ARHGEF7: variants seen among roughly 807,000 people sequenced by gnomAD.
The protein encoded by ARHGEF7 is Rho guanine nucleotide exchange factor 7.
In ARHGEF7, 33 loss-of-function variants were observed where a neutral mutation model predicts 109.8. That is an observed-to-expected ratio of 0.30 (90% CI 0.23 to 0.40). The LOEUF (loss-of-function observed/expected upper bound fraction) is 0.40. Among genes scored for constraint, ARHGEF7 ranks in the 10% least tolerant of loss-of-function variants. The probability of loss-of-function intolerance (pLI) is 1.00; values close to 1 mark genes in which losing one functional copy is unlikely to be tolerated. For missense variants in ARHGEF7, 938 were observed against 1,098.5 expected (o/e 0.85, Z 2.07); for synonymous variants, 458 against 424.6 (o/e 1.08, Z -0.97).
In ARHGEF7 at chr13:111,241,086, T is replaced by C. The variant is rs540903001; in HGVS notation, c.760-2786T>C. Reference sequence around the variant, plus strand: ...TGAGGCGGGCAGCATAGGGATTGAGTGGCACCAGTGTTTGACTGCACTTGC... The same window carrying C: ...TGAGGCGGGCAGCATAGGGATTGAGCGGCACCAGTGTTTGACTGCACTTGC... On this transcript the variant is annotated intron_variant, in intron 6 of 21. Transcript: ENST00000646102. The C allele has an allele frequency of 2.0e-4, 294 of 1,463,100 alleles. 5 individuals are homozygous for C. The South Asian group carries it at 3.9e-3, about 19-fold the overall frequency. 90.6% of individuals were successfully genotyped at this position (1,463,100 alleles called of 1,614,324 possible).
chr13:111,193,161 G>T (rs1296567047), intron 2 of ARHGEF7, among the ~76,000 whole-genome samples: 1 of 152,166 alleles, frequency 6.6e-6, no homozygotes, highest in African/African-American at 2.4e-5. Context: ...CCACTGGATG[G>T]CTTTGGGTAT....
rs150644239 is a variant in ARHGEF7, at chr13:111,228,348, T to G, written c.671-4857T>G. 2.0e-4 allele frequency among the ~76,000 whole-genome samples: 30 copies of G among 152,328 alleles called. No individual in the cohort carries two copies. Among genetic ancestry groups the G allele is most frequent in the African/African-American group, 7.0e-4 (29 of 41,582 alleles). The stretch of plus-strand genomic sequence containing the variant: ...AATATCGTCAGGTGTGATAATGGTC[T>G]GAGGTTAGGGTTTTGAGTTTAAAGA... On this transcript the variant is annotated intron_variant, in intron 5 of 21. Transcript: ENST00000646102. The surrounding 1 kb of genome is among the most constrained non-coding windows in gnomAD (Gnocchi z 4.6).
rs1050791650 is a variant in ARHGEF7 at position 111,145,288 on chromosome 13, AG to A, written c.166-8614del. Reference sequence around the variant, plus strand: ...ATGCCGCCAGGAAGCTCTCCAGGTTAGGGCCAGGCAGAAAACAGATAGATGG... The same window carrying A: ...ATGCCGCCAGGAAGCTCTCCAGGTTAGGCCAGGCAGAAAACAGATAGATGG... On this transcript the variant is annotated intron_variant, in intron 1 of 21. Transcript: ENST00000646102. This position sits in a 1 kb window ranked among gnomAD's most constrained non-coding sequence, Gnocchi z 4.3. 5.3e-5 allele frequency among the ~76,000 whole-genome samples: 8 copies of A among 152,198 alleles called. No individual in the cohort carries two copies. The highest frequency in any genetic ancestry group is 1.0e-4 in the Non-Finnish European group (7 of 68,036).
intron 1 of ARHGEF7, among the ~76,000 whole-genome samples, chr13:111,138,248 G>A (rs1447537578): frequency 6.6e-6 from 1 of 152,156 alleles, no homozygotes; most frequent in Non-Finnish European, 1.5e-5. Context: ...GGGAGGCAGA[G>A]GTTGCAGTAA....
chr13:111,153,610 C>G lies in ARHGEF7; in HGVS notation c.166-295C>G, dbSNP rs952838491. ...AACACCCGACGCTATCCGAAGACGT[C>G]CCGCGCGGGCCGGCGGGGGCGCGGT... On this transcript the variant is annotated intron_variant, in intron 1 of 21. Coordinates refer to ENST00000646102, the MANE Select transcript of ARHGEF7 (RefSeq NM_001354046.2). 3.5e-5 allele frequency: 41 copies of G among 1,163,926 alleles called. No individual in the cohort carries two copies. In the African/African-American group the frequency reaches 6.1e-4, roughly 17 times the overall value. The allele number at this position is 1,163,926 out of a possible 1,614,324, so 72.1% of individuals were successfully genotyped here.
intron 5 of ARHGEF7, among the ~76,000 whole-genome samples, chr13:111,221,533 CTATATATAGATACATATCTATATATCTA>C (rs1325867549): frequency 6.5e-4 from 22 of 33,812 alleles, no homozygotes; most frequent in African/African-American, 2.1e-3. Context: ...CTATATATAT[CTATATATAGATACATATCTATATATCTA>C]TATATATAGA....
rs537597720 is a variant in ARHGEF7, at chr13:111,187,379, C to A, written c.253-17910C>A. On this transcript the variant is annotated intron_variant, in intron 2 of 21. Transcript: ENST00000646102. Reference sequence around the variant, plus strand: ...TGGTCCTGTTGCCTGATGAGGGAGACCGTTCCTGAAACTGTGGCGCACACT... The same window carrying A: ...TGGTCCTGTTGCCTGATGAGGGAGAACGTTCCTGAAACTGTGGCGCACACT... Among the ~76,000 whole-genome samples, 4 of 152,226 alleles carry A rather than the reference C, an allele frequency of 2.6e-5. No individual in the cohort carries two copies. The East Asian group carries it at 7.7e-4, about 29-fold the overall frequency.
intron 16 of ARHGEF7, among the ~76,000 whole-genome samples, chr13:111,285,259 T>C (rs375459009): frequency 1.3e-5 from 2 of 152,224 alleles, no homozygotes; most frequent in Non-Finnish European, 1.5e-5. Flanking sequence ...GAAAAGACTT[T>C]TAAAGATAAT....
At position 111,239,732 on chromosome 13, in the gene ARHGEF7, T is replaced by G. The variant is rs2087441805; in HGVS notation, c.760-4140T>G. Among the ~76,000 whole-genome samples the G allele has an allele frequency of 6.6e-6, 1 of 152,104 alleles. No homozygotes were observed. The highest frequency in any genetic ancestry group is 2.4e-5 in the African/African-American group (1 of 41,400). On this transcript the variant is annotated intron_variant, in intron 6 of 21. Transcript: ENST00000646102. This position sits in a 1 kb window ranked among gnomAD's most constrained non-coding sequence, Gnocchi z 4.3. ...CCTGGGCGGCGAGGTGCCTGCTGGC[T>G]TCTTTCACACCTGGCTCCCATTGTT...
intron 2 of ARHGEF7, among the ~76,000 whole-genome samples, chr13:111,185,872 G>T (rs2079192616): frequency 6.6e-6 from 1 of 151,876 alleles, no homozygotes; most frequent in African/African-American, 2.4e-5. Flanking sequence ...TTCCTGGCTG[G>T]CAGTGTGGTG....
chr13:111,207,651 C>T (rs2082050657), intron 3 of ARHGEF7, among the ~76,000 whole-genome samples: 1 of 152,156 alleles, frequency 6.6e-6, no homozygotes, highest in Non-Finnish European at 1.5e-5. Context: ...TCTGCTTTTG[C>T]TGTAAGTGGG....
chr13:111,215,349 G>T (rs972346251), intron 4 of ARHGEF7, among the ~76,000 whole-genome samples: 7 of 148,906 alleles, frequency 4.7e-5, no homozygotes, highest in Admixed American at 4.0e-4. Context: ...GTATTTGCCT[G>T]TGTGTCTCTA....
chr13:111,190,860 G>C (rs1320342538), intron 2 of ARHGEF7, among the ~76,000 whole-genome samples: 3 of 152,268 alleles, frequency 2.0e-5, no homozygotes, highest in Non-Finnish European at 4.4e-5. Context: ...AGGTGTGTGA[G>C]TTTGTTGTTT....
intron 3 of ARHGEF7, among the ~76,000 whole-genome samples, chr13:111,205,809 C>T (rs1486385772): frequency 1.3e-5 from 2 of 152,132 alleles, no homozygotes; most frequent in Non-Finnish European, 2.9e-5. Context: ...TCCACACTAC[C>T]TGTCCAGGGC....
At chr13:111,299,665 C>A (rs1438584311) in intron 19 of ARHGEF7, among the ~76,000 whole-genome samples, 2 of 152,140 alleles carry the variant, frequency 1.3e-5, no homozygotes, top group African/African-American at 4.8e-5. Flanking sequence ...AAAATCCCGT[C>A]TTCATAAAAC....
intron 8 of ARHGEF7, among the ~76,000 whole-genome samples, chr13:111,246,834 A>AT (rs1336039417): frequency 6.6e-6 from 1 of 152,226 alleles, no homozygotes; most frequent in Non-Finnish European, 1.5e-5. Context: ...GGTCTAACAA[A>AT]TTATTACAGT....
chr13:111,216,542 G>A (rs2083167975), intron 4 of ARHGEF7, among the ~76,000 whole-genome samples: 1 of 151,792 alleles, frequency 6.6e-6, no homozygotes, highest in African/African-American at 2.4e-5. Flanking sequence ...ATAGAGGCCT[G>A]GACTCTGCTG....
chr13:111,263,303 G>C (rs935238839), intron 8 of ARHGEF7, among the ~76,000 whole-genome samples: 2 of 152,118 alleles, frequency 1.3e-5, no homozygotes, highest in African/African-American at 4.8e-5. Context: ...GACTGAAAGA[G>C]GTAATAAAAA....
intron 5 of ARHGEF7, among the ~76,000 whole-genome samples, chr13:111,232,297 A>G (rs749951540): frequency 3.4e-4 from 51 of 152,164 alleles, no homozygotes; most frequent in Non-Finnish European, 6.3e-4. Flanking sequence ...AACTAATGGT[A>G]AAGACACAGA....
Sources: allele counts gnomAD v4.1 joint callset (sites outside exome capture counted in the v4.1 genomes callset), GRCh38; gene constraint gnomAD v4.1.1; non-coding constraint Gnocchi (gnomAD v3.1); transcripts MANE v1.5; gene names NCBI Gene and HGNC (gene_info 2026-07-23, HGNC 2026-07-21).